Variants in RFTN1 observed in about 807,000 individuals in gnomAD.
The protein encoded by RFTN1 is raftlin.
In RFTN1, 26 loss-of-function variants were observed where a neutral mutation model predicts 46.5. The ratio of observed to expected loss-of-function variants is 0.56; its 90% CI spans 0.41 to 0.78. RFTN1 has a LOEUF of 0.78. Ranked by LOEUF, RFTN1 falls within the 30% of genes least tolerant of loss-of-function variation. RFTN1 has a pLI of 0.00. For synonymous variants in RFTN1, 261 were observed against 284.2 expected (o/e 0.92, Z 0.82); for missense variants, 693 against 718.7 (o/e 0.96, Z 0.41).
chr3:16,444,529 A>G (rs913812304), intron 2 of RFTN1, among the ~76,000 whole-genome samples: 2 of 152,220 alleles, frequency 1.3e-5, no homozygotes, highest in African/African-American at 4.8e-5. Flanking sequence ...GTACTCCTGC[A>G]ATGGAATGAC....
chr3:16,438,892 C>G (rs953724051), intron 2 of RFTN1, among the ~76,000 whole-genome samples: 1 of 152,220 alleles, frequency 6.6e-6, no homozygotes, highest in Admixed American at 6.5e-5. Flanking sequence ...CCCATTCCCA[C>G]CCACACTCCT....
At position 16,348,671 on chromosome 3, in the gene RFTN1, G is replaced by A. The variant is rs2071895391; in HGVS notation, c.1146+9261C>T. ...TGCCCCTTTGCATCCTTGTTCCTGG[G>A]CATCAAAAAGTAGTCACTCTCTTTG... On this transcript the variant is annotated intron_variant, in intron 7 of 9. Coordinates refer to ENST00000334133, the MANE Select transcript of RFTN1 (RefSeq NM_015150.2). The surrounding 1 kb of genome is among the most constrained non-coding windows in gnomAD (Gnocchi z 6.3). 6.6e-6 allele frequency among the ~76,000 whole-genome samples: 1 copy of A among 152,180 alleles called. No homozygotes were observed. Among genetic ancestry groups the A allele is most frequent in the South Asian group, 2.1e-4 (1 of 4,834 alleles).
At chr3:16,328,902 AT>A (rs1426776850) in intron 7 of RFTN1, among the ~76,000 whole-genome samples, 1 of 152,216 alleles carries the variant, frequency 6.6e-6, no homozygotes, top group African/African-American at 2.4e-5. Context: ...TGAGAAAAAA[AT>A]ATATATTTTT....
rs1455843806 is a variant in RFTN1, at chr3:16,327,126, C to G, written c.1147-250G>C. Among the ~76,000 whole-genome samples, 1 of 152,178 alleles carries G rather than the reference C, an allele frequency of 6.6e-6. No individual in the cohort carries two copies. On this transcript the variant is annotated intron_variant, in intron 7 of 9. Coordinates refer to ENST00000334133, the MANE Select transcript of RFTN1 (RefSeq NM_015150.2). This position sits in a 1 kb window ranked among gnomAD's most constrained non-coding sequence, Gnocchi z 4.2. ...AAGGAATTACAGCCAAAAGATTAAT[C>G]CATTAATTTTGTTTGATTCTTGTCT...
chr3:16,469,942 C>T (rs184651606), intron 2 of RFTN1, among the ~76,000 whole-genome samples: 1 of 152,310 alleles, frequency 6.6e-6, no homozygotes, highest in Non-Finnish European at 1.5e-5. Flanking sequence ...CTGACAATAA[C>T]CCAGAGGAGC....
rs1241717218 is a variant in RFTN1, at chr3:16,384,944, A to G, written c.442-6842T>C. Among the ~76,000 whole-genome samples, 1 of 152,118 alleles carries G rather than the reference A, an allele frequency of 6.6e-6. No individual in the cohort carries two copies. Among genetic ancestry groups the G allele is most frequent in the Non-Finnish European group, 1.5e-5 (1 of 68,030 alleles). On this transcript the variant is annotated intron_variant, in intron 4 of 9. Coordinates refer to ENST00000334133, the MANE Select transcript of RFTN1 (RefSeq NM_015150.2). The surrounding 1 kb of genome is among the most constrained non-coding windows in gnomAD (Gnocchi z 4.7). ...CATAATAAATCACATAAAATACTGA[A>G]TAATAGAGTTTTTGACAGTGATTTC...
intron 7 of RFTN1, among the ~76,000 whole-genome samples, chr3:16,357,451 C>T (rs1385363466): frequency 6.6e-6 from 1 of 152,162 alleles, no homozygotes; most frequent in Non-Finnish European, 1.5e-5. Flanking sequence ...CCTCTCTGTG[C>T]CTCAGTTTCC....
At chr3:16,453,476 A>G (rs6790093) in intron 2 of RFTN1, among the ~76,000 whole-genome samples, 28,161 of 152,168 alleles carry the variant, frequency 0.19, 2,961 homozygotes, top group East Asian at 0.27. Flanking sequence ...CCTTGCTTCT[A>G]CACAGTTGTG....
rs976230723 is a variant in RFTN1 at position 16,450,993 on chromosome 3, G to A, written c.146-16956C>T. Among the ~76,000 whole-genome samples the A allele has an allele frequency of 2.0e-5, 3 of 152,140 alleles. No individual in the cohort carries two copies. Among genetic ancestry groups the A allele is most frequent in the African/African-American group, 7.2e-5 (3 of 41,424 alleles). ...TCAGGCCATTAATATAGGATCTTCA[G>A]CTCAAACGGAGAACTCTGGACTGGG... is the stretch of plus-strand genomic sequence containing the variant. On this transcript the variant is annotated intron_variant, in intron 2 of 9. Transcript: ENST00000334133. The surrounding 1 kb of genome is among the most constrained non-coding windows in gnomAD (Gnocchi z 4.6).
rs536196111 is a variant in RFTN1 at position 16,438,225 on chromosome 3, T to G, written c.146-4188A>C. On this transcript the variant is annotated intron_variant, in intron 2 of 9. Transcript: ENST00000334133. ...AAACCTTTATTGAGAGTTTGATAAT[T>G]TATACATTTGTTTCCTCTTATGCAT... is the stretch of plus-strand genomic sequence containing the variant. 3.9e-5 allele frequency among the ~76,000 whole-genome samples: 6 copies of G among 152,246 alleles called. No homozygotes were observed. The South Asian group carries it at 1.0e-3, about 26-fold the overall frequency.
At chr3:16,493,582 A>T in intron 2 of RFTN1, 143 bp downstream of exon 2, 1 of 771,686 alleles carries the variant, frequency 1.3e-6, no homozygotes. Flanking sequence ...GGATCTCTGT[A>T]AGCCGCCCCC....
rs2068500797 is a variant in RFTN1, at chr3:16,317,204, A to G, written c.1361T>C (p.Met454Thr). 6.2e-7 allele frequency: 1 copy of G among 1,612,978 alleles called. No individual in the cohort carries two copies. The highest frequency in any genetic ancestry group is 2.2e-5 in the East Asian group (1 of 44,842). The part of the protein sequence containing the change: ...KFQWRFSREE[M>T]HNRQMRKSKG... The stretch of plus-strand genomic sequence containing the variant: ...TGATTTCCTCATCTGCCTGTTGTGC[A>G]TTTCTTCTCTGGAGAATCGCCACTG... Residue 454 changes from methionine to threonine, a missense_variant, in exon 10 of 10, where the codon ATG becomes ACG. Transcript: ENST00000334133. This position sits in a 1 kb window ranked among gnomAD's most constrained non-coding sequence, Gnocchi z 4.3.
chr3:16,462,143 CA>C (rs1235382100), intron 2 of RFTN1, among the ~76,000 whole-genome samples: 3 of 152,194 alleles, frequency 2.0e-5, no homozygotes, highest in African/African-American at 7.2e-5. Flanking sequence ...ATGGCCTTGG[CA>C]AGTTCCTAAA....
At chr3:16,501,595 T>C (rs2076711147) in intron 1 of RFTN1, among the ~76,000 whole-genome samples, 1 of 152,214 alleles carries the variant, frequency 6.6e-6, no homozygotes, top group Non-Finnish European at 1.5e-5. Context: ...GATGGGGCAA[T>C]TATATGCAAT....
rs1022607920 is a variant in RFTN1 at position 16,505,968 on chromosome 3, C to G, written c.-9+7474G>C. On this transcript the variant is annotated intron_variant, in intron 1 of 9. Coordinates refer to ENST00000334133, the MANE Select transcript of RFTN1 (RefSeq NM_015150.2). ...CAAAGTAAAACAAAAGAGATTCACACAATAAAAGAGCACGCCTGCCCTCAT... is the reference window on the plus strand; with the variant it reads ...CAAAGTAAAACAAAAGAGATTCACAGAATAAAAGAGCACGCCTGCCCTCAT... Among the ~76,000 whole-genome samples the G allele has an allele frequency of 2.6e-5, 4 of 152,138 alleles. No homozygotes were observed. The East Asian group carries it at 7.7e-4, about 29-fold the overall frequency.
Position 16,377,941 on chromosome 3 carries a change from C to T in RFTN1, c.603G>A (p.Glu201=), listed in dbSNP as rs201479525. 1 of 1,614,258 alleles carries T rather than the reference C, an allele frequency of 6.2e-7. No homozygotes were observed. The highest frequency in any genetic ancestry group is 1.1e-5 in the South Asian group (1 of 91,078). Residue 201 remains glutamate (E), a synonymous_variant, in exon 5 of 10, where the codon GAG becomes GAA. Transcript: ENST00000334133. ...KNARGDHASL[E]NEKPGTGDVC... is the part of the protein sequence containing the mutation. The stretch of plus-strand genomic sequence containing the variant: ...CATCCCCAGTCCCCGGTTTCTCATT[C>T]TCCAGTGACGCGTGATCCCCACGTG...
At chr3:16,477,195 G>T (rs2076295711) in intron 2 of RFTN1, among the ~76,000 whole-genome samples, 1 of 119,846 alleles carries the variant, frequency 8.3e-6, no homozygotes, top group African/African-American at 3.1e-5. Context: ...TAAATTATTT[G>T]GTTTTTTTCC....
At chr3:16,386,592 T>C (rs1322637539) in intron 4 of RFTN1, among the ~76,000 whole-genome samples, 2 of 152,236 alleles carry the variant, frequency 1.3e-5, no homozygotes, top group East Asian at 3.8e-4. Context: ...CTCTAAGCTG[T>C]ACTGGGAAAT....
intron 4 of RFTN1, among the ~76,000 whole-genome samples, chr3:16,398,513 G>A (rs1020094764): frequency 1.3e-5 from 2 of 152,108 alleles, no homozygotes; most frequent in African/African-American, 4.8e-5. Context: ...CAGAAGCTGT[G>A]GGCTGCCCCA....
Sources: gnomAD v4.1 joint callset for allele counts (sites outside exome capture counted in the v4.1 genomes callset) on GRCh38, gnomAD v4.1.1 for gene constraint, Gnocchi (gnomAD v3.1) non-coding constraint, MANE v1.5 for transcripts, NCBI Gene and HGNC (gene_info 2026-07-23, HGNC 2026-07-21) for gene names.